Variants in SNTB2 observed in about 807,000 individuals in gnomAD.
The protein encoded by SNTB2 is syntrophin beta 2, also known as beta-2-syntrophin.
A neutral mutation model predicts 46.2 loss-of-function variants in SNTB2; 34 were observed. The observed-to-expected ratio is 0.74, with a 90% confidence interval of 0.56 to 0.98. The LOEUF is 0.98. SNTB2 is among the 50% of genes least tolerant of loss of function. The pLI is 0.00. For missense variants in SNTB2, 603 were observed against 731.4 expected (o/e 0.82, Z 2.02); for synonymous variants, 290 against 312.6 (o/e 0.93, Z 0.76).
intron 1 of SNTB2, among the ~76,000 whole-genome samples, chr16:69,197,543 G>T (rs1964116849): frequency 6.6e-6 from 1 of 152,132 alleles, no homozygotes; most frequent in Non-Finnish European, 1.5e-5. Flanking sequence ...GTTTTGTAAT[G>T]TAAAAATTAA....
In SNTB2 at chr16:69,208,354, C is replaced by T. The variant is rs140302985; in HGVS notation, c.580+20608C>T. 7.6e-3 allele frequency among the ~76,000 whole-genome samples: 1,147 copies of T among 150,620 alleles called. 15 individuals are homozygous for T. The highest frequency in any genetic ancestry group is 0.025 in the African/African-American group (1,029 of 40,964). ...CCAGGAGGCGGAGGTGGCAGTGAAC[C>T]GAGATCGTGCCACTGCACTCCAGCC... is the stretch of plus-strand genomic sequence containing the variant. On this transcript the variant is annotated intron_variant, in intron 1 of 6. Coordinates refer to ENST00000336278, the MANE Select transcript of SNTB2 (RefSeq NM_006750.4).
chr16:69,280,920 C>T (rs1241597009), intron 4 of SNTB2, among the ~76,000 whole-genome samples: 5 of 151,874 alleles, frequency 3.3e-5, no homozygotes, highest in African/African-American at 9.7e-5. Flanking sequence ...CCCTCAGCTT[C>T]GCGAGTAGCT....
chr16:69,229,316 C>T (rs545148563), intron 1 of SNTB2, among the ~76,000 whole-genome samples: 2 of 151,956 alleles, frequency 1.3e-5, no homozygotes, highest in African/African-American at 2.4e-5. Context: ...ACTACAGGCA[C>T]GTGCCATCAC....
chr16:69,195,933 C>T (rs1964101190), intron 1 of SNTB2, among the ~76,000 whole-genome samples: 1 of 152,126 alleles, frequency 6.6e-6, no homozygotes, highest in South Asian at 2.1e-4. Flanking sequence ...TACACTATAA[C>T]AGGCTATAGG....
chr16:69,239,962 T>C (rs562811844), intron 1 of SNTB2, among the ~76,000 whole-genome samples: 10 of 152,358 alleles, frequency 6.6e-5, no homozygotes, highest in African/African-American at 2.4e-4. Flanking sequence ...ATAAATAGTT[T>C]GTTCCTTTTT....
rs891516566 is a variant in SNTB2, at chr16:69,249,400, A to G, written c.794+3585A>G. On this transcript the variant is annotated intron_variant, in intron 2 of 6. Coordinates refer to ENST00000336278, the MANE Select transcript of SNTB2 (RefSeq NM_006750.4). ...GTATTGAAGAAAAAGGCAAAACGTT[A>G]TAAAGTTTCTGTAGAAACCCGGGGT... Among the ~76,000 whole-genome samples the G allele has an allele frequency of 1.9e-4, 29 of 152,228 alleles. 1 individual carries two copies. Among genetic ancestry groups the G allele is most frequent in the Non-Finnish European group, 5.9e-5 (4 of 68,040 alleles).
In SNTB2 at chr16:69,286,054, G is replaced by A. The variant is rs112206104; in HGVS notation, c.1345+1810G>A. On this transcript the variant is annotated intron_variant, in intron 5 of 6. Coordinates refer to ENST00000336278, the MANE Select transcript of SNTB2 (RefSeq NM_006750.4). Reference sequence around the variant, plus strand: ...GTGATCCACCGACCTCAGGTGATCCGCCTACCTTGGCCTCCCAAAGTGCTG... The same window carrying A: ...GTGATCCACCGACCTCAGGTGATCCACCTACCTTGGCCTCCCAAAGTGCTG... Among the ~76,000 whole-genome samples the A allele has an allele frequency of 6.4e-3, 967 of 152,030 alleles. 12 individuals carry two copies. Among genetic ancestry groups the A allele is most frequent in the African/African-American group, 0.021 (860 of 41,490 alleles).
intron 2 of SNTB2, among the ~76,000 whole-genome samples, chr16:69,250,668 G>C (rs9921703): frequency 0.12 from 18,267 of 152,008 alleles, 1,269 homozygotes; most frequent in Middle Eastern, 0.23. Context: ...AGACTGAGAC[G>C]GGCAGATCAC....
chr16:69,284,493 TCC>T (rs1567414701), intron 5 of SNTB2, among the ~76,000 whole-genome samples: 2 of 85,426 alleles, frequency 2.3e-5, no homozygotes, highest in African/African-American at 7.7e-5. Context: ...AAAAAAAAAA[TCC>T]GTGCACAGTG....
intron 1 of SNTB2, among the ~76,000 whole-genome samples, chr16:69,213,155 A>T (rs1456674713): frequency 6.6e-6 from 1 of 152,118 alleles, no homozygotes; most frequent in Non-Finnish European, 1.5e-5. Flanking sequence ...TGCCCATTTT[A>T]TAAGGTTATT....
rs952644483 is a variant in SNTB2, at chr16:69,303,305, G to T, written c.*2381G>T. ...TATGCAGTGAGAGCATTATTAATATGAGATGTTGAATGATGCCTTTACAGA... is the reference window on the plus strand; with the variant it reads ...TATGCAGTGAGAGCATTATTAATATTAGATGTTGAATGATGCCTTTACAGA... On this transcript the variant is annotated 3_prime_UTR_variant, in exon 7 of 7. Coordinates refer to ENST00000336278, the MANE Select transcript of SNTB2 (RefSeq NM_006750.4). 2 of 152,160 alleles carry T rather than the reference G, an allele frequency of 1.3e-5. No homozygotes were observed. The highest frequency in any genetic ancestry group is 4.8e-5 in the African/African-American group (2 of 41,416). 9.4% of individuals were successfully genotyped at this position (152,160 alleles called of 1,614,324 possible). A position where few individuals can be genotyped will look rare whatever the true frequency, so the allele number is the denominator to read the frequency against.
intron 1 of SNTB2, among the ~76,000 whole-genome samples, chr16:69,200,072 A>G (rs1964146652): frequency 3.3e-5 from 5 of 151,998 alleles, no homozygotes; most frequent in Admixed American, 2.0e-4. Flanking sequence ...GTGCCACCAC[A>G]CCCAGCTAAT....
Position 69,284,112 on chromosome 16 carries a change from A to G in SNTB2, c.1213A>G (p.Arg405Gly). 6.2e-7 allele frequency: 1 copy of G among 1,614,012 alleles called. No individual in the cohort carries two copies. Among genetic ancestry groups the G allele is most frequent in the Non-Finnish European group, 8.5e-7 (1 of 1,179,986 alleles). ...TGGATCTGACCTTACATTTGCTACC[A>G]GGACAGGCTCTCGACAGGGCATTGA... ...SLGSDLTFAT[R>G]TGSRQGIEMH... Residue 405 changes from arginine (R) to glycine (G), a missense_variant, in exon 5 of 7, where the codon AGG (arginine) becomes GGG (glycine). Arg to Gly is a moderately radical substitution (Grantham distance 125, BLOSUM62 -2). Around this residue, in one of 2 missense-constraint regions of SNTB2, gnomAD observed 537 missense variants for 692.4 expected, o/e 0.78. Coordinates refer to ENST00000336278, the MANE Select transcript of SNTB2 (RefSeq NM_006750.4).
rs1202356982 is a variant in SNTB2 at position 69,308,938 on chromosome 16, C to A, written c.*8014C>A. ...CAACACTTCCCCTTGAGTAGCACAT[C>A]AACATACAGCATTGTACATTACAAT... On this transcript the variant is annotated 3_prime_UTR_variant, in exon 7 of 7. Transcript: ENST00000336278. 6.6e-6 allele frequency: 1 copy of A among 152,482 alleles called. No individual in the cohort carries two copies. The highest frequency in any genetic ancestry group is 1.5e-5 in the Non-Finnish European group (1 of 68,022). 9.4% of individuals were successfully genotyped at this position (152,482 alleles called of 1,614,324 possible). A position where few individuals can be genotyped will look rare whatever the true frequency, so the allele number is the denominator to read the frequency against.
chr16:69,190,520 A>G (rs1248810189), intron 1 of SNTB2, among the ~76,000 whole-genome samples: 1 of 152,186 alleles, frequency 6.6e-6, no homozygotes, highest in Non-Finnish European at 1.5e-5. Context: ...GGAGAAGTAA[A>G]TAAGTACAGC....
chr16:69,265,190 A>G (rs1382315006), intron 3 of SNTB2, among the ~76,000 whole-genome samples: 1 of 152,178 alleles, frequency 6.6e-6, no homozygotes, highest in Non-Finnish European at 1.5e-5. Flanking sequence ...CGGAGCTTGC[A>G]GTGAGCCGAG....
chr16:69,205,373 A>T (rs1964206165), intron 1 of SNTB2, among the ~76,000 whole-genome samples: 1 of 138,968 alleles, frequency 7.2e-6, no homozygotes, highest in Non-Finnish European at 1.5e-5. Flanking sequence ...ACATGTGCAC[A>T]TTGTGCAGTA....
chr16:69,242,292 G>T (rs1176747545), intron 1 of SNTB2, among the ~76,000 whole-genome samples: 1 of 152,034 alleles, frequency 6.6e-6, no homozygotes, highest in Non-Finnish European at 1.5e-5. Flanking sequence ...CAGATGTGTC[G>T]GTGTGTGCCT....
chr16:69,242,178 C>T (rs993479347), intron 1 of SNTB2, among the ~76,000 whole-genome samples: 3 of 152,082 alleles, frequency 2.0e-5, no homozygotes, highest in Non-Finnish European at 2.9e-5. Flanking sequence ...GTAATCCCAA[C>T]GCTTTGAGAG....
Sources: gnomAD v4.1 joint callset for allele counts (sites outside exome capture counted in the v4.1 genomes callset) on GRCh38, gnomAD v4.1.1 for gene constraint, gnomAD v4.1.1 regional missense constraint, MANE v1.5 for transcripts, NCBI Gene and HGNC (gene_info 2026-07-23, HGNC 2026-07-21) for gene names.